SLC8A1: variants seen among roughly 807,000 people sequenced by gnomAD.
SLC8A1 encodes the protein sodium/calcium exchanger 1.
In SLC8A1, 18 loss-of-function variants were observed where a neutral mutation model predicts 68.3. The observed-to-expected ratio is 0.26, with a 90% CI of 0.18 to 0.39. The LOEUF is 0.39. Among genes scored for constraint, SLC8A1 ranks in the 10% least tolerant of loss-of-function variants. The probability of loss-of-function intolerance (pLI) is 1.00; values close to 1 mark genes in which losing one functional copy is unlikely to be tolerated. For synonymous variants in SLC8A1, 475 were observed against 415.5 expected, an observed-to-expected ratio of 1.14 and a Z score of -1.74; for missense variants, 985 against 1,156.7, an observed-to-expected ratio of 0.85 and a Z score of 2.15.
chr2:40,301,795 A>G (rs2071508578), intron 2 of SLC8A1, among the ~76,000 whole-genome samples: 1 of 152,126 alleles, frequency 6.6e-6, no homozygotes, highest in South Asian at 2.1e-4. Flanking sequence ...ACTTGGTTTC[A>G]TGAGTAAGTT....
chr2:40,191,805 G>C (rs759199970), intron 2 of SLC8A1, among the ~76,000 whole-genome samples: 13 of 152,124 alleles, frequency 8.5e-5, no homozygotes, highest in Middle Eastern at 6.8e-3. Flanking sequence ...GTTCAGTTAG[G>C]GCTCAAAAAA....
intron 2 of SLC8A1, among the ~76,000 whole-genome samples, chr2:40,241,856 A>AACAG (rs1215269322): frequency 6.8e-6 from 1 of 147,850 alleles, no homozygotes; most frequent in Admixed American, 7.0e-5. Context: ...CAGATTTATC[A>AACAG]ACAGACAGAA....
chr2:40,262,612 G>A (rs1210841296), intron 2 of SLC8A1, among the ~76,000 whole-genome samples: 1 of 152,158 alleles, frequency 6.6e-6, no homozygotes, highest in East Asian at 1.9e-4. Context: ...AAACATAAGG[G>A]TATGCATTTA....
In SLC8A1 at chr2:40,340,703, C is replaced by T. The variant is rs577683491; in HGVS notation, c.1808+87770G>A. ...AGAGCTCCACAAGGCTCAGGATTTTCAGAGTTTAATTCTTGAGACTGGCCT... is the reference window on the plus strand; with the variant it reads ...AGAGCTCCACAAGGCTCAGGATTTTTAGAGTTTAATTCTTGAGACTGGCCT... On this transcript the variant is annotated intron_variant, in intron 2 of 7. Transcript: ENST00000406785. 4.6e-5 allele frequency among the ~76,000 whole-genome samples: 7 copies of T among 152,274 alleles called. No homozygotes were observed. In the South Asian group the frequency reaches 1.0e-3, roughly 23 times the overall value.
intron 2 of SLC8A1, among the ~76,000 whole-genome samples, chr2:40,412,821 T>A (rs1347658320): frequency 6.6e-6 from 1 of 152,206 alleles, no homozygotes; most frequent in East Asian, 1.9e-4. Context: ...TATTGATGGA[T>A]ATTTTTGGTA....
At chr2:40,421,366 C>A (rs1001983825) in intron 2 of SLC8A1, among the ~76,000 whole-genome samples, 1 of 152,052 alleles carries the variant, frequency 6.6e-6, no homozygotes, top group African/African-American at 2.4e-5. Context: ...CCAAGTTTAG[C>A]GATCCTCCTA....
In SLC8A1 at chr2:40,174,731, AG is replaced by A; in HGVS notation, c.1930+93del. ...CAAACAGGTATTTTCCTTCATTAAA[AG>A]CAAATAAAAATGAGAAATTTTTTTT... On this transcript the variant is annotated intron_variant, in intron 4 of 7. Transcript: ENST00000406785. The A allele has an allele frequency of 6.4e-7, 1 of 1,552,798 alleles. No homozygotes were observed. The highest frequency in any genetic ancestry group is 8.8e-7 in the Non-Finnish European group (1 of 1,131,772).
At chr2:40,124,145 C>G (rs1014599084) in intron 7 of SLC8A1, among the ~76,000 whole-genome samples, 1 of 152,216 alleles carries the variant, frequency 6.6e-6, no homozygotes, top group Non-Finnish European at 1.5e-5. Context: ...AGAAACTGTA[C>G]TCTAACTTGA....
At chr2:40,224,426 G>C (rs2058720158) in intron 2 of SLC8A1, among the ~76,000 whole-genome samples, 1 of 152,098 alleles carries the variant, frequency 6.6e-6, no homozygotes, top group South Asian at 2.1e-4. Flanking sequence ...TGAGAAAAGA[G>C]GCAGAATACG....
intron 7 of SLC8A1, among the ~76,000 whole-genome samples, chr2:40,130,979 A>T (rs184702662): frequency 6.6e-6 from 1 of 152,232 alleles, no homozygotes; most frequent in East Asian, 1.9e-4. Flanking sequence ...AATGTAGCTA[A>T]GGTAAATAAC....
intron 1 of SLC8A1, among the ~76,000 whole-genome samples, chr2:40,460,566 T>C (rs1703281028): frequency 6.9e-6 from 1 of 145,356 alleles, no homozygotes; most frequent in Non-Finnish European, 1.5e-5. Context: ...AAAATCAGAC[T>C]GTAAGTATTT....
At chr2:40,492,314 C>T (rs1230225029) in intron 1 of SLC8A1, among the ~76,000 whole-genome samples, 5 of 152,080 alleles carry the variant, frequency 3.3e-5, no homozygotes, top group African/African-American at 4.8e-5. Context: ...AAACTGGATC[C>T]CTTCCTGACA....
intron 2 of SLC8A1, among the ~76,000 whole-genome samples, chr2:40,271,331 G>C (rs2149136594): frequency 6.6e-6 from 1 of 151,996 alleles, no homozygotes; most frequent in South Asian, 2.1e-4. Flanking sequence ...CTCCAAACCA[G>C]CTTGTGTCTC....
At chr2:40,149,825 C>G (rs1248718124) in intron 6 of SLC8A1, among the ~76,000 whole-genome samples, 1 of 152,162 alleles carries the variant, frequency 6.6e-6, no homozygotes, top group African/African-American at 2.4e-5. Context: ...AAGCTTCAAT[C>G]TTTGCTTTGT....
chr2:40,410,012 A>G (rs1239295975), intron 2 of SLC8A1, among the ~76,000 whole-genome samples: 10 of 152,062 alleles, frequency 6.6e-5, no homozygotes, highest in East Asian at 1.9e-4. Flanking sequence ...AGGGAAAAAA[A>G]GGGGGAGGGG....
At chr2:40,195,451 A>G (rs1333700690) in intron 2 of SLC8A1, among the ~76,000 whole-genome samples, 6 of 152,124 alleles carry the variant, frequency 3.9e-5, no homozygotes, top group African/African-American at 1.4e-4. Context: ...GGATCAGTCC[A>G]GACTTGTGGA....
At chr2:40,180,446 A>T (rs906170909) in intron 2 of SLC8A1, among the ~76,000 whole-genome samples, 4 of 152,206 alleles carry the variant, frequency 2.6e-5, no homozygotes, top group Non-Finnish European at 5.9e-5. Context: ...AACAAAACTT[A>T]CGCATTTTGG....
At chr2:40,371,264 A>T (rs1024377211) in intron 2 of SLC8A1, among the ~76,000 whole-genome samples, 1 of 152,074 alleles carries the variant, frequency 6.6e-6, no homozygotes, top group Non-Finnish European at 1.5e-5. Flanking sequence ...GATAAAGTAG[A>T]AGCAAATTGC....
At chr2:40,161,246 A>G (rs1308643395) in intron 5 of SLC8A1, among the ~76,000 whole-genome samples, 1 of 152,190 alleles carries the variant, frequency 6.6e-6, no homozygotes, top group East Asian at 1.9e-4. Context: ...TCAGCACTAC[A>G]TATCTGCGAA....
Sources: gnomAD v4.1 joint callset for allele counts (sites outside exome capture counted in the v4.1 genomes callset) on GRCh38, gnomAD v4.1.1 for gene constraint, MANE v1.5 for transcripts, NCBI Gene and HGNC (gene_info 2026-07-23, HGNC 2026-07-21) for gene names.